The following MMD variants were observed in gnomAD, a reference collection of about 807,000 sequenced individuals.
MMD encodes monocyte to macrophage differentiation factor.
MMD carries 22 observed loss-of-function variants against 33.6 expected under a neutral mutation model. The ratio of observed to expected loss-of-function variants is 0.66; its 90% CI spans 0.47 to 0.94. MMD has a LOEUF of 0.94. Among genes scored for constraint, MMD ranks in the 40% least tolerant of loss-of-function variants. The probability of loss-of-function intolerance (pLI) is 0.00; values close to 1 mark genes in which losing one functional copy is unlikely to be tolerated. For synonymous variants in MMD, 97 were observed against 103.2 expected (o/e 0.94, Z 0.36); for missense variants, 242 against 309.8 (o/e 0.78, Z 1.64).
At chr17:55,395,342 G>A (rs1338085517) in intron 6 of MMD, among the ~76,000 whole-genome samples, 1 of 152,218 alleles carries the variant, frequency 6.6e-6, no homozygotes, top group Non-Finnish European at 1.5e-5. Context: ...TAGTCCCCTG[G>A]ATTTCTGAGG....
chr17:55,404,443 C>T (rs4450463), intron 4 of MMD: 43,978 of 981,014 alleles, frequency 0.045, 1,231 homozygotes, highest in East Asian at 0.2. Context: ...ACTCTTATGA[C>T]GCCTAACTTA....
chr17:55,399,677 A>G (rs7216054), intron 6 of MMD, among the ~76,000 whole-genome samples: 132,138 of 152,178 alleles, frequency 0.87, 57,885 homozygotes, highest in African/African-American at 0.95. Flanking sequence ...TACTTCTGTC[A>G]TGTTCGCATA....
At position 55,392,900 on chromosome 17, in the gene MMD, T is replaced by C. The variant is rs577828028; in HGVS notation, c.*1434A>G. Reference sequence around the variant, plus strand: ...CATATAATTCATCAAAATCAGAGAGTTCTAAACATATACAAAATAAACCTC... The same window carrying C: ...CATATAATTCATCAAAATCAGAGAGCTCTAAACATATACAAAATAAACCTC... On this transcript the variant is annotated 3_prime_UTR_variant, in exon 7 of 7. Coordinates refer to ENST00000262065, the MANE Select transcript of MMD (RefSeq NM_012329.3). 5.3e-5 allele frequency: 8 copies of C among 152,020 alleles called. No individual in the cohort carries two copies. The East Asian group carries it at 1.5e-3, about 29-fold the overall frequency. 9.4% of individuals were successfully genotyped at this position (152,020 alleles called of 1,614,324 possible).
intron 1 of MMD, among the ~76,000 whole-genome samples, chr17:55,421,336 G>A (rs909535840): frequency 1.3e-5 from 2 of 152,240 alleles, no homozygotes; most frequent in African/African-American, 4.8e-5. Flanking sequence ...GAGAGAGCCA[G>A]AGCCCAGCCT....
chr17:55,408,858 A>C (rs1907653741), intron 3 of MMD, among the ~76,000 whole-genome samples: 1 of 152,072 alleles, frequency 6.6e-6, no homozygotes, highest in Admixed American at 6.5e-5. Context: ...AAAATTAGCC[A>C]GGTGTGGTGG....
At chr17:55,396,392 T>C (rs1026229163) in intron 6 of MMD, among the ~76,000 whole-genome samples, 2 of 152,198 alleles carry the variant, frequency 1.3e-5, no homozygotes, top group East Asian at 3.9e-4. Context: ...TGTGATGTAA[T>C]TGTTATTATA....
At chr17:55,407,703 T>A (rs762564102) in intron 4 of MMD, 43 bp downstream of exon 4, 1 of 1,550,136 alleles carries the variant, frequency 6.5e-7, no homozygotes, top group Non-Finnish European at 8.8e-7. Flanking sequence ...GGAATTCTAA[T>A]CATAAAATCA....
At chr17:55,419,735 T>C (rs779085637) in intron 1 of MMD, among the ~76,000 whole-genome samples, 4 of 152,176 alleles carry the variant, frequency 2.6e-5, no homozygotes, top group Non-Finnish European at 5.9e-5. Context: ...TAGCTTATGA[T>C]AGAAAACCAA....
At chr17:55,403,252 T>C (rs1268150822) in intron 5 of MMD, among the ~76,000 whole-genome samples, 1 of 152,234 alleles carries the variant, frequency 6.6e-6, no homozygotes, top group Admixed American at 6.5e-5. Flanking sequence ...ATTAGGACTA[T>C]CAGCTATGAA....
intron 6 of MMD, among the ~76,000 whole-genome samples, chr17:55,398,629 T>G (rs1021711458): frequency 3.9e-5 from 6 of 152,234 alleles, no homozygotes; most frequent in Non-Finnish European, 4.4e-5. Context: ...GATTCTGTTG[T>G]ATTCCTTTAA....
chr17:55,411,187 G>A, intron 3 of MMD, 70 bp downstream of exon 3: 1 of 1,520,176 alleles, frequency 6.6e-7, no homozygotes, highest in Non-Finnish European at 8.9e-7. Flanking sequence ...AAGCATGCCA[G>A]CTTGGAAGGG....
rs1010149599 is a variant in MMD at position 55,395,892 on chromosome 17, A to C, written c.517-1358T>G. Among the ~76,000 whole-genome samples the C allele has an allele frequency of 2.0e-5, 3 of 152,216 alleles. No homozygotes were observed. In the South Asian group the frequency reaches 6.2e-4, roughly 32 times the overall value. Reference sequence around the variant, plus strand: ...CTTCTAGGATAGGGGTAAGGCTCTCATCAGATTCGCAAAGGGGCACAGGGA... The same window carrying C: ...CTTCTAGGATAGGGGTAAGGCTCTCCTCAGATTCGCAAAGGGGCACAGGGA... On this transcript the variant is annotated intron_variant, in intron 6 of 6. Coordinates refer to ENST00000262065, the MANE Select transcript of MMD (RefSeq NM_012329.3).
intron 1 of MMD, among the ~76,000 whole-genome samples, chr17:55,414,555 T>TACAC (rs1567851499): frequency 1.7e-4 from 10 of 58,542 alleles, no homozygotes; most frequent in African/African-American, 7.7e-4. Context: ...TCCTCCTCCA[T>TACAC]TCACACACAC....
chr17:55,413,322 T>C (rs9910480), intron 2 of MMD, among the ~76,000 whole-genome samples: 108,289 of 152,048 alleles, frequency 0.71, 39,145 homozygotes, highest in East Asian at 0.85. Flanking sequence ...TTTCCCTCAA[T>C]GTCACTAAAT....
intron 3 of MMD, among the ~76,000 whole-genome samples, chr17:55,408,767 G>A (rs1263737675): frequency 6.6e-6 from 1 of 152,180 alleles, no homozygotes. Context: ...TTGGGAGGCT[G>A]AGGCAGGTGG....
chr17:55,421,354 G>T (rs1010613909), intron 1 of MMD, among the ~76,000 whole-genome samples: 2 of 152,234 alleles, frequency 1.3e-5, no homozygotes, highest in Non-Finnish European at 2.9e-5. Flanking sequence ...CCTGTATGGG[G>T]GTCGGGAGGG....
At chr17:55,418,560 C>A (rs975733461) in intron 1 of MMD, among the ~76,000 whole-genome samples, 1 of 152,170 alleles carries the variant, frequency 6.6e-6, no homozygotes, top group Non-Finnish European at 1.5e-5. Context: ...TCCAAGGGCC[C>A]CTTCAACATC....
intron 4 of MMD, among the ~76,000 whole-genome samples, chr17:55,407,412 T>C (rs978472349): frequency 6.6e-6 from 1 of 152,200 alleles, no homozygotes; most frequent in Non-Finnish European, 1.5e-5. Flanking sequence ...TCTAGTGTTC[T>C]GAACAATAGC....
rs1567844124 is a variant in MMD, at chr17:55,393,266, A to AC, written c.*1067dup. 2 of 143,534 alleles carry AC rather than the reference A, an allele frequency of 1.4e-5. No homozygotes were observed. The highest frequency in any genetic ancestry group is 2.0e-4 in the East Asian group (1 of 5,062). 8.9% of individuals were successfully genotyped at this position (143,534 alleles called of 1,614,324 possible). ...TTTTTTCTAGGAAAAAAAAAAAAAAACACAATATATGAGAAGATGCAAAGG... is the reference window on the plus strand; with the variant it reads ...TTTTTTCTAGGAAAAAAAAAAAAAAACCACAATATATGAGAAGATGCAAAGG... On this transcript the variant is annotated 3_prime_UTR_variant, in exon 7 of 7. Coordinates refer to ENST00000262065, the MANE Select transcript of MMD (RefSeq NM_012329.3).
Sources: allele counts gnomAD v4.1 joint callset (sites outside exome capture counted in the v4.1 genomes callset), GRCh38; gene constraint gnomAD v4.1.1; transcripts MANE v1.5; gene names NCBI Gene and HGNC (gene_info 2026-07-23, HGNC 2026-07-21).